Variants in HPS1 observed in about 807,000 individuals in gnomAD.
The protein encoded by HPS1 is HPS1 biogenesis of lysosomal organelles complex 3 subunit 1, also known as BLOC-3 complex member HPS1.
A neutral mutation model predicts 90.6 loss-of-function variants in HPS1; 59 were observed. The ratio of observed to expected loss-of-function variants is 0.65; its 90% confidence interval spans 0.53 to 0.81. The LOEUF is 0.81. Among genes scored for constraint, HPS1 ranks in the 30% least tolerant of loss-of-function variants. HPS1 has a pLI of 0.00. For missense variants in HPS1, 849 were observed against 896.7 expected, an observed-to-expected ratio of 0.95 and a Z score of 0.68; for synonymous variants, 388 against 384.4, an observed-to-expected ratio of 1.01 and a Z score of -0.11.
chr10:98,419,576 C>T (rs950076014), intron 18 of HPS1, among the ~76,000 whole-genome samples: 2 of 152,160 alleles, frequency 1.3e-5, no homozygotes, highest in African/African-American at 2.4e-5. Flanking sequence ...CAGTGCAGGG[C>T]CTGGAGGCCA....
rs778377675 is a variant in HPS1, at chr10:98,429,563, C to T, written c.937+10G>A. 19 of 1,614,194 alleles carry T rather than the reference C, an allele frequency of 1.2e-5. No homozygotes were observed. The East Asian group carries it at 1.6e-4, about 13-fold the overall frequency. On this transcript the variant is annotated intron_variant, in intron 10 of 19. Coordinates refer to ENST00000361490, the MANE Select transcript of HPS1 (RefSeq NM_000195.5). The stretch of plus-strand genomic sequence containing the variant: ...GCTATTGTTTCCTCCTGCTTTCCTC[C>T]GGTCCTCACCTGAGCTCTGATCGCC...
Position 98,430,685 on chromosome 10 carries a change from G to A in HPS1, c.669-15C>T. 6.5e-7 allele frequency: 1 copy of A among 1,547,150 alleles called. No individual in the cohort carries two copies. Among genetic ancestry groups the A allele is most frequent in the Non-Finnish European group, 8.7e-7 (1 of 1,144,710 alleles). ...TGGCACTGTGGCTGCAGACACAGGA[G>A]CATGGCCACCCATCAGCACATGCCC... On this transcript the variant is annotated splice_polypyrimidine_tract_variant and intron_variant, in intron 7 of 19. Coordinates refer to ENST00000361490, the MANE Select transcript of HPS1 (RefSeq NM_000195.5).
chr10:98,441,068 G>A (rs1478701655), intron 3 of HPS1, among the ~76,000 whole-genome samples: 1 of 152,198 alleles, frequency 6.6e-6, no homozygotes, highest in Non-Finnish European at 1.5e-5. Context: ...TGGACTCCCT[G>A]AGGTGGAGTC....
chr10:98,417,254 A>C lies in HPS1; in HGVS notation c.*310T>G. The C allele has an allele frequency of 3.8e-6, 1 of 262,902 alleles. No homozygotes were observed. Among genetic ancestry groups the C allele is most frequent in the Non-Finnish European group, 7.2e-6 (1 of 139,090 alleles). 16.3% of individuals were successfully genotyped at this position (262,902 alleles called of 1,614,324 possible). On this transcript the variant is annotated 3_prime_UTR_variant, in exon 20 of 20. Coordinates refer to ENST00000361490, the MANE Select transcript of HPS1 (RefSeq NM_000195.5). The surrounding 1 kb of genome is among the most constrained non-coding windows in gnomAD (Gnocchi z 4.2). ...TTCCTCCACGCAGGGAACAGCAGAGATGGGGCTTCCTCCCCATCTCCCAGG... is the reference window on the plus strand; with the variant it reads ...TTCCTCCACGCAGGGAACAGCAGAGCTGGGGCTTCCTCCCCATCTCCCAGG...
At chr10:98,423,997 TC>T (rs200635604) in intron 14 of HPS1, 110 bp from the exon 15 acceptor site, 18,167 of 1,446,786 alleles carry the variant, frequency 0.013, 178 homozygotes, top group Non-Finnish European at 0.014. Context: ...GGGGAGCCCT[TC>T]CCCCTTGTGG....
At chr10:98,433,256 C>T (rs1487168455) in intron 6 of HPS1, among the ~76,000 whole-genome samples, 3 of 148,354 alleles carry the variant, frequency 2.0e-5, no homozygotes, top group Non-Finnish European at 4.5e-5. Context: ...AAAAGAAATG[C>T]AAGTTCTAGA....
At position 98,417,790 on chromosome 10, in the gene HPS1, C is replaced by A; in HGVS notation, c.1941-64G>T. On this transcript the variant is annotated intron_variant, in intron 19 of 19. Coordinates refer to ENST00000361490, the MANE Select transcript of HPS1 (RefSeq NM_000195.5). The surrounding 1 kb of genome is among the most constrained non-coding windows in gnomAD (Gnocchi z 4.2). Reference sequence around the variant, plus strand: ...TGTGGCACTCCTCCAGCGCCAGAGGCCTCTCTGGGCCCTCGCAAGCAAATG... The same window carrying A: ...TGTGGCACTCCTCCAGCGCCAGAGGACTCTCTGGGCCCTCGCAAGCAAATG... The A allele has an allele frequency of 1.3e-6, 2 of 1,481,890 alleles. No individual in the cohort carries two copies. The allele number at this position is 1,481,890 out of a possible 1,614,324, so 91.8% of individuals were successfully genotyped here.
At chr10:98,436,619 G>T (rs1047186546) in intron 3 of HPS1, among the ~76,000 whole-genome samples, 1 of 152,114 alleles carries the variant, frequency 6.6e-6, no homozygotes, top group African/African-American at 2.4e-5. Context: ...AAAACAAAAA[G>T]GAACTGGACA....
At chr10:98,419,410 G>A (rs559800900) in intron 18 of HPS1, among the ~76,000 whole-genome samples, 1 of 152,136 alleles carries the variant, frequency 6.6e-6, no homozygotes, top group East Asian at 1.9e-4. Flanking sequence ...AGGAGGGAGA[G>A]ACAGGAGGAG....
intron 3 of HPS1, among the ~76,000 whole-genome samples, chr10:98,437,875 G>A (rs1937644593): frequency 6.6e-6 from 1 of 152,158 alleles, no homozygotes; most frequent in Non-Finnish European, 1.5e-5. Context: ...ACGTGTCAAG[G>A]GAGACCTGGT....
intron 3 of HPS1, chr10:98,442,488 T>G (rs1488165364): frequency 1.2e-5 from 2 of 160,512 alleles, no homozygotes; most frequent in Non-Finnish European, 2.8e-5. Context: ...ATACAGCTAT[T>G]AAAAAATTAA....
intron 2 of HPS1, among the ~76,000 whole-genome samples, chr10:98,444,517 G>A (rs1291076836): frequency 2.6e-5 from 4 of 152,184 alleles, no homozygotes; most frequent in East Asian, 1.9e-4. Flanking sequence ...AGGGTGTCAC[G>A]CAGATATAAT....
At position 98,433,231 on chromosome 10, in the gene HPS1, C is replaced by CAA. The variant is rs35145578; in HGVS notation, c.507+750_507+751dup. On this transcript the variant is annotated intron_variant, in intron 6 of 19. Coordinates refer to ENST00000361490, the MANE Select transcript of HPS1 (RefSeq NM_000195.5). ...TGGGCAACAGAGCGAGACTCCATCT[C>CAA]AAAAAAAAAAAAAAAAAAGAAATGC... Among the ~76,000 whole-genome samples, 268 of 85,318 alleles carry CAA rather than the reference C, an allele frequency of 3.1e-3. 3 individuals are homozygous for CAA. Among genetic ancestry groups the CAA allele is most frequent in the South Asian group, 0.03 (74 of 2,488 alleles). The allele number at this position is 85,318 out of a possible 152,430, so 56.0% of individuals were successfully genotyped here.
At chr10:98,428,055 G>C (rs1269634147) in intron 10 of HPS1, among the ~76,000 whole-genome samples, 1 of 152,210 alleles carries the variant, frequency 6.6e-6, no homozygotes, top group African/African-American at 2.4e-5. Context: ...ATGAGGAAGG[G>C]AGTGGTAAGA....
downstream of HPS1, chr10:98,414,266 C>G (rs188473976): frequency 6.6e-6 from 1 of 152,098 alleles, no homozygotes; most frequent in Non-Finnish European, 1.5e-5. Flanking sequence ...TCTGTATAGA[C>G]CCAGTTGGCA....
chr10:98,423,684 C>T lies in HPS1; in HGVS notation c.1533-16G>A, dbSNP rs763995634. 1.5e-5 allele frequency: 24 copies of T among 1,613,964 alleles called. No homozygotes were observed. In the Admixed American group the frequency reaches 3.2e-4, roughly 21 times the overall value. ...CAGCTTCTCCCTGCCGAGGGAAGCT[C>T]GGGCTGCGTGAAGGAAGTACGGGCC... On this transcript the variant is annotated splice_polypyrimidine_tract_variant and intron_variant, in intron 15 of 19. Coordinates refer to ENST00000361490, the MANE Select transcript of HPS1 (RefSeq NM_000195.5).
intron 6 of HPS1, among the ~76,000 whole-genome samples, chr10:98,433,320 C>T (rs1232420557): frequency 6.6e-6 from 1 of 152,026 alleles, no homozygotes; most frequent in Admixed American, 6.6e-5. Context: ...GCCCAGTAAC[C>T]TGTATTTAAC....
intron 13 of HPS1, among the ~76,000 whole-genome samples, chr10:98,424,684 G>T (rs1453898184): frequency 2.6e-5 from 4 of 152,148 alleles, no homozygotes; most frequent in African/African-American, 9.7e-5. Flanking sequence ...GCACACACAG[G>T]GCAGCGGCTG....
chr10:98,422,328 G>A, intron 17 of HPS1, 41 bp downstream of exon 17: 1 of 1,606,998 alleles, frequency 6.2e-7, no homozygotes, highest in Non-Finnish European at 8.5e-7. Context: ...CCCAATATTG[G>A]CTGAGGCCCA....
Sources: allele counts gnomAD v4.1 joint callset (sites outside exome capture counted in the v4.1 genomes callset), GRCh38; gene constraint gnomAD v4.1.1; non-coding constraint Gnocchi (gnomAD v3.1); transcripts MANE v1.5; gene names NCBI Gene and HGNC (gene_info 2026-07-23, HGNC 2026-07-21).